Variants in TBC1D5 observed in about 807,000 individuals in gnomAD.
TBC1D5 encodes the protein TBC1 domain family member 5.
In TBC1D5, 75 loss-of-function variants were observed where a neutral mutation model predicts 100.3. That is an observed-to-expected ratio of 0.75 (90% confidence interval 0.62 to 0.91). The LOEUF is 0.91. TBC1D5 is among the 40% of genes least tolerant of loss of function. The probability of loss-of-function intolerance (pLI) is 0.00; values close to 1 mark genes in which losing one functional copy is unlikely to be tolerated. For missense variants in TBC1D5, 910 were observed against 942.4 expected, an observed-to-expected ratio of 0.97 and a Z score of 0.45; for synonymous variants, 323 against 325.6, an observed-to-expected ratio of 0.99 and a Z score of 0.09.
intron 2 of TBC1D5, among the ~76,000 whole-genome samples, chr3:17,510,146 T>C (rs1461424041): frequency 1.3e-5 from 2 of 151,714 alleles, no homozygotes; most frequent in Admixed American, 6.6e-5. Flanking sequence ...ACAAAATGAG[T>C]ATCTAATTTT....
chr3:17,626,751 A>G (rs757484100), intron 1 of TBC1D5, among the ~76,000 whole-genome samples: 1 of 152,224 alleles, frequency 6.6e-6, no homozygotes, highest in Non-Finnish European at 1.5e-5. Flanking sequence ...GAAAAGACAC[A>G]AAACACTGAG....
chr3:17,366,383 A>G (rs2092130710), intron 13 of TBC1D5, among the ~76,000 whole-genome samples: 1 of 152,180 alleles, frequency 6.6e-6, no homozygotes. Flanking sequence ...AGGAAATAAT[A>G]AATATAATAA....
In TBC1D5 at chr3:17,595,652, T is replaced by C. The variant is rs555141814; in HGVS notation, c.-36+28197A>G. 9.0e-4 allele frequency among the ~76,000 whole-genome samples: 136 copies of C among 151,322 alleles called. 1 individual carries two copies. Among genetic ancestry groups the C allele is most frequent in the African/African-American group, 3.2e-3 (131 of 41,158 alleles). On this transcript the variant is annotated intron_variant, in intron 2 of 21. Coordinates refer to ENST00000253692, the Ensembl canonical transcript of TBC1D5. ...AGAATTATCAAGCCCATTTTTCAGATGAGGACACTGAAGTTATGGAAGTGT... is the reference window on the plus strand; with the variant it reads ...AGAATTATCAAGCCCATTTTTCAGACGAGGACACTGAAGTTATGGAAGTGT...
At chr3:17,247,241 G>A (rs2076810750) in intron 16 of TBC1D5, among the ~76,000 whole-genome samples, 1 of 152,210 alleles carries the variant, frequency 6.6e-6, no homozygotes, top group Non-Finnish European at 1.5e-5. Context: ...TCCACTGGGA[G>A]AGAACAACTG....
chr3:17,192,109 G>C (rs958876534), intron 18 of TBC1D5, among the ~76,000 whole-genome samples: 1 of 151,904 alleles, frequency 6.6e-6, no homozygotes, highest in African/African-American at 2.4e-5. Flanking sequence ...TCAAATGGTG[G>C]AATTATGGGT....
In TBC1D5 at chr3:17,590,942, T is replaced by C. The variant is rs1056675355; in HGVS notation, c.-36+32907A>G. On this transcript the variant is annotated intron_variant, in intron 2 of 21. Transcript: ENST00000253692. The stretch of plus-strand genomic sequence containing the variant: ...ATGGGCAAAAGACTAATTTGAATCA[T>C]AAAAACAGAGAATCGGGCCAGGCAC... 3.3e-5 allele frequency among the ~76,000 whole-genome samples: 5 copies of C among 151,868 alleles called. 1 individual carries two copies. The highest frequency in any genetic ancestry group is 3.3e-4 in the Admixed American group (5 of 15,252).
At chr3:17,561,698 A>T (rs1012638141) in intron 2 of TBC1D5, among the ~76,000 whole-genome samples, 1 of 152,184 alleles carries the variant, frequency 6.6e-6, no homozygotes, top group African/African-American at 2.4e-5. Context: ...ACCTAAATAA[A>T]ATAAAAAATA....
chr3:17,429,275 C>G (rs2149374862), intron 3 of TBC1D5, among the ~76,000 whole-genome samples: 1 of 151,892 alleles, frequency 6.6e-6, no homozygotes, highest in East Asian at 1.9e-4. Flanking sequence ...GGAAAAAATG[C>G]TTACCAATGC....
At chr3:17,586,260 T>A (rs377374181) in intron 2 of TBC1D5, 2 of 152,172 alleles carry the variant, frequency 1.3e-5, no homozygotes, top group African/African-American at 4.8e-5. Context: ...CATACCTTTT[T>A]TTTGTACAAA....
chr3:17,339,275 G>A (rs2088465757), intron 13 of TBC1D5, among the ~76,000 whole-genome samples: 2 of 152,158 alleles, frequency 1.3e-5, no homozygotes, highest in South Asian at 4.1e-4. Context: ...ATTCTGTCAC[G>A]ATTTAGCCAT....
At chr3:17,651,540 C>T (rs1315502854) in intron 1 of TBC1D5, among the ~76,000 whole-genome samples, 1 of 152,110 alleles carries the variant, frequency 6.6e-6, no homozygotes, top group South Asian at 2.1e-4. Flanking sequence ...GAAACACCGT[C>T]TCTACTGAAA....
At chr3:17,712,262 A>C (rs2074811349) in intron 1 of TBC1D5, among the ~76,000 whole-genome samples, 1 of 152,220 alleles carries the variant, frequency 6.6e-6, no homozygotes, top group South Asian at 2.1e-4. Flanking sequence ...AACTTTTATT[A>C]AAAAGAAATA....
chr3:17,525,605 G>A (rs1482720929), intron 2 of TBC1D5, among the ~76,000 whole-genome samples: 8 of 151,856 alleles, frequency 5.3e-5, no homozygotes, highest in African/African-American at 1.9e-4. Context: ...ATCCATATTG[G>A]TGATTAAATA....
chr3:17,277,069 G>C (rs2080094632), intron 15 of TBC1D5, among the ~76,000 whole-genome samples: 1 of 152,166 alleles, frequency 6.6e-6, no homozygotes, highest in Admixed American at 6.5e-5. Context: ...TTCAGCCACG[G>C]AAACACTGGG....
At chr3:17,466,663 CT>C (rs962950847) in intron 3 of TBC1D5, among the ~76,000 whole-genome samples, 1 of 151,336 alleles carries the variant, frequency 6.6e-6, no homozygotes, top group African/African-American at 2.4e-5. Flanking sequence ...TTTAAGGATT[CT>C]TTTTTTTTCT....
At chr3:17,500,213 T>C (rs1375028032) in intron 3 of TBC1D5, among the ~76,000 whole-genome samples, 2 of 149,344 alleles carry the variant, frequency 1.3e-5, no homozygotes, top group African/African-American at 5.1e-5. Flanking sequence ...CAATGGAAGA[T>C]TTTGAATAAA....
chr3:17,584,917 A>G (rs567298144), intron 2 of TBC1D5, among the ~76,000 whole-genome samples: 1 of 152,264 alleles, frequency 6.6e-6, no homozygotes, highest in South Asian at 2.1e-4. Context: ...CAGACTCCCA[A>G]AGTGCTGGGA....
chr3:17,732,182 G>C (rs1044718640), intron 1 of TBC1D5, among the ~76,000 whole-genome samples: 2 of 152,010 alleles, frequency 1.3e-5, no homozygotes, highest in Non-Finnish European at 2.9e-5. Context: ...GCTGGGCATG[G>C]TGGTGGGCGC....
chr3:17,289,162 G>A (rs886686142), intron 15 of TBC1D5, among the ~76,000 whole-genome samples: 21 of 152,302 alleles, frequency 1.4e-4, no homozygotes, highest in African/African-American at 4.6e-4. Context: ...TGGAGTCTGC[G>A]TCTGTGCTGG....
Sources: allele counts gnomAD v4.1 joint callset (sites outside exome capture counted in the v4.1 genomes callset), GRCh38; gene constraint gnomAD v4.1.1; transcripts MANE v1.5; gene names NCBI Gene and HGNC (gene_info 2026-07-23, HGNC 2026-07-21).